Variants in GPR32 observed in about 807,000 individuals in gnomAD.
The protein encoded by GPR32 is G protein-coupled receptor 32.
For synonymous variants in GPR32, 215 were observed against 195.3 expected (o/e 1.10, Z -0.84); for missense variants, 433 against 454.1 (o/e 0.95, Z 0.42).
chr19:50,771,444 C>T, the GPR32 span: 4 of 1,614,136 alleles, frequency 2.5e-6, no homozygotes, highest in East Asian at 2.2e-5. Context: ...CCATCTGTGG[C>T]GACGGGTGAT....
chr19:50,770,638 A>T lies in GPR32; in HGVS notation c.38A>T (p.Asp13Val), dbSNP rs758625863. The T allele has an allele frequency of 1.9e-6, 3 of 1,609,900 alleles. No individual in the cohort carries two copies. In the South Asian group the frequency reaches 3.3e-5, roughly 18 times the overall value. The change falls in exon 1 of 1, where the codon GAC becomes GTC. Residue 13 changes from aspartate (D) to valine (V), a missense_variant. Coordinates refer to ENST00000270590, the MANE Select transcript of GPR32 (RefSeq NM_001506.2). ...TCGGAGGGGACCAGAGGCTGCAGTG[A>T]CAGGCAACCTGGGGTCCTGACACGT... Reference protein sequence around the residue: ...GVSEGTRGCSDRQPGVLTRDR... With the variant: ...GVSEGTRGCSVRQPGVLTRDR...
Position 50,771,499 on chromosome 19 carries a change from C to A in GPR32, c.899C>A (p.Ala300Asp), listed in dbSNP as rs2089400625. The change falls in exon 1 of 1, where the codon GCT becomes GAT. Residue 300 changes from alanine to aspartate, a missense_variant. Physicochemically the swap from Ala to Asp is moderately radical, Grantham distance 126. Coordinates refer to ENST00000270590, the MANE Select transcript of GPR32 (RefSeq NM_001506.2). ...CCCCGGATGCTGCTCATCCTCCAGG[C>A]TAGCTTTGCCTTGGGCTGTGTCAAC... is the stretch of plus-strand genomic sequence containing the variant. The part of the protein sequence containing the change: ...YHPRMLLILQ[A>D]SFALGCVNSS... The A allele has an allele frequency of 6.2e-7, 1 of 1,614,108 alleles. No individual in the cohort carries two copies. The highest frequency in any genetic ancestry group is 1.1e-5 in the South Asian group (1 of 91,084).
In GPR32 at chr19:50,771,645, C is replaced by A. The variant is rs1305207329; in HGVS notation, c.1045C>A (p.Pro349Thr). Residue 349 changes from proline (P) to threonine (T), a missense_variant, in exon 1 of 1, where the codon CCC (proline) becomes ACC (threonine). By Grantham distance (38) the Pro-to-Thr change is conservative (BLOSUM62 -1). Transcript: ENST00000270590. Reference protein sequence around the residue: ...FGEEEFLSSCPRGNAPRE With the variant: ...FGEEEFLSSCTRGNAPRE Reference sequence around the variant, plus strand: ...AGAGGAGGAGTTTCTGTCATCCTGTCCCCGTGGCAACGCCCCCCGGGAATG... The same window carrying A: ...AGAGGAGGAGTTTCTGTCATCCTGTACCCGTGGCAACGCCCCCCGGGAATG... The A allele has an allele frequency of 3.7e-6, 6 of 1,612,402 alleles. No homozygotes were observed. The Admixed American group carries it at 8.3e-5, about 22-fold the overall frequency.
At position 50,770,659 on chromosome 19, in the gene GPR32, C is replaced by A. The variant is rs748135176; in HGVS notation, c.59C>A (p.Thr20Lys). Residue 20 changes from threonine to lysine, a missense_variant, in exon 1 of 1, where the codon ACA becomes AAA. By Grantham distance (78) the Thr-to-Lys change is moderately conservative. Coordinates refer to ENST00000270590, the MANE Select transcript of GPR32 (RefSeq NM_001506.2). ...AGTGACAGGCAACCTGGGGTCCTGA[C>A]ACGTGATCGCTCTTGTTCCAGGAAG... The part of the protein sequence containing the change: ...GCSDRQPGVL[T>K]RDRSCSRKMN... 6.2e-7 allele frequency: 1 copy of A among 1,613,464 alleles called. No individual in the cohort carries two copies. Among genetic ancestry groups the A allele is most frequent in the South Asian group, 1.1e-5 (1 of 90,998 alleles).
In GPR32 at chr19:50,770,649, G is replaced by A. The variant is rs866174710; in HGVS notation, c.49G>A (p.Gly17Arg). The A allele has an allele frequency of 4.3e-6, 7 of 1,612,580 alleles. No individual in the cohort carries two copies. The highest frequency in any genetic ancestry group is 3.3e-4 in the Middle Eastern group (2 of 6,042). The change falls in exon 1 of 1, where the codon GGG (glycine) becomes AGG (arginine). Residue 17 changes from glycine to arginine, a missense_variant. Transcript: ENST00000270590. ...CAGAGGCTGCAGTGACAGGCAACCT[G>A]GGGTCCTGACACGTGATCGCTCTTG... ...GTRGCSDRQP[G>R]VLTRDRSCSR... is the part of the protein sequence containing the mutation.
chr19:50,770,918 G>T lies in GPR32; in HGVS notation c.318G>T (p.Gln106His), dbSNP rs753630831. 6.2e-7 allele frequency: 1 copy of T among 1,614,184 alleles called. No individual in the cohort carries two copies. The highest frequency in any genetic ancestry group is 2.2e-5 in the East Asian group (1 of 44,878). ...CCATGTACTATATTGTCTCCAGGCAGTGGCTCCTCGGAGAGTGGGCCTGCA... is the reference window on the plus strand; with the variant it reads ...CCATGTACTATATTGTCTCCAGGCATTGGCTCCTCGGAGAGTGGGCCTGCA... ...PIAMYYIVSR[Q>H]WLLGEWACKL... The change falls in exon 1 of 1, where the codon CAG (glutamine) becomes CAT (histidine). Residue 106 changes from glutamine (Q) to histidine (H), a missense_variant. Transcript: ENST00000270590.
chr19:50,770,902 A>C lies in GPR32; in HGVS notation c.302A>C (p.Tyr101Ser), dbSNP rs1296651596. ...CTGTCTCTGCCCATTGCCATGTACT[A>C]TATTGTCTCCAGGCAGTGGCTCCTC... ...LSLSLPIAMY[Y>S]IVSRQWLLGE... The change falls in exon 1 of 1, where the codon TAT becomes TCT. Residue 101 changes from tyrosine (Y) to serine (S), a missense_variant. Transcript: ENST00000270590. 6.2e-7 allele frequency: 1 copy of C among 1,613,980 alleles called. No individual in the cohort carries two copies. The highest frequency in any genetic ancestry group is 8.5e-7 in the Non-Finnish European group (1 of 1,180,036).
At position 50,770,839 on chromosome 19, in the gene GPR32, G is replaced by C. The variant is rs1392151658; in HGVS notation, c.239G>C (p.Cys80Ser). 6.2e-7 allele frequency: 1 copy of C among 1,614,194 alleles called. No homozygotes were observed. The highest frequency in any genetic ancestry group is 8.5e-7 in the Non-Finnish European group (1 of 1,180,034). ...FRMARTVSTVCFFHLALADFM... is the reference protein window; with the variant it reads ...FRMARTVSTVSFFHLALADFM... ...ATGGCACGCACGGTCTCCACCGTCT[G>C]CTTCTTCCACCTGGCCCTTGCCGAT... Residue 80 changes from cysteine to serine, a missense_variant, in exon 1 of 1, where the codon TGC becomes TCC. Transcript: ENST00000270590.
Position 50,770,491 on chromosome 19 carries a change from G to A in GPR32, c.-110G>A. ...TTGAGCCTAGGAGGTGGAGGCTGCA[G>A]TGATCTGTGATTGTACCTTTGCACT... On this transcript the variant is annotated 5_prime_UTR_variant, in exon 1 of 1. In the 5' UTR this introduces an upstream ATG that the reference lacks. Coordinates refer to ENST00000270590, the MANE Select transcript of GPR32 (RefSeq NM_001506.2). The A allele has an allele frequency of 1.4e-6, 1 of 722,450 alleles. No individual in the cohort carries two copies. Among genetic ancestry groups the A allele is most frequent in the Admixed American group, 2.9e-5 (1 of 34,138 alleles). The allele number at this position is 722,450 out of a possible 1,614,324, so 44.8% of individuals were successfully genotyped here. A position where few individuals can be genotyped will look rare whatever the true frequency, so the allele number is the denominator to read the frequency against.
chr19:50,770,567 A>T lies in GPR32; in HGVS notation c.-34A>T. ...CTGTCTCTAAAAGAATAATAATAAT[A>T]AGCATTCCATAAAAATTATGGAATG... On this transcript the variant is annotated 5_prime_UTR_variant, in exon 1 of 1. Coordinates refer to ENST00000270590, the MANE Select transcript of GPR32 (RefSeq NM_001506.2). The T allele has an allele frequency of 7.5e-7, 1 of 1,336,966 alleles. No homozygotes were observed. Among genetic ancestry groups the T allele is most frequent in the Non-Finnish European group, 1.0e-6 (1 of 969,938 alleles). 82.8% of individuals were successfully genotyped at this position (1,336,966 alleles called of 1,614,324 possible). A position where few individuals can be genotyped will look rare whatever the true frequency, so the allele number is the denominator to read the frequency against.
chr19:50,770,741 G>A lies in GPR32; in HGVS notation c.141G>A (p.Val47=), dbSNP rs2089394826. The change falls in exon 1 of 1, where the codon GTG becomes GTA. Residue 47 remains valine, a synonymous_variant. Coordinates refer to ENST00000270590, the MANE Select transcript of GPR32 (RefSeq NM_001506.2). ...EEVGSLRPLT[V]VILSASIVVG... Reference sequence around the variant, plus strand: ...TGGGGTCCCTCCGCCCACTGACTGTGGTTATCCTGTCTGCGTCCATTGTCG... The same window carrying A: ...TGGGGTCCCTCCGCCCACTGACTGTAGTTATCCTGTCTGCGTCCATTGTCG... The A allele has an allele frequency of 1.2e-6, 2 of 1,613,980 alleles. No individual in the cohort carries two copies. The highest frequency in any genetic ancestry group is 2.7e-5 in the African/African-American group (2 of 74,890).
chr19:50,770,689 A>C lies in GPR32; in HGVS notation c.89A>C (p.Asn30Thr). 6.2e-7 allele frequency: 1 copy of C among 1,613,640 alleles called. No homozygotes were observed. Among genetic ancestry groups the C allele is most frequent in the Non-Finnish European group, 8.5e-7 (1 of 1,179,750 alleles). Reference sequence around the variant, plus strand: ...GATCGCTCTTGTTCCAGGAAGATGAACTCTTCCGGATGCCTGTCTGAGGAG... The same window carrying C: ...GATCGCTCTTGTTCCAGGAAGATGACCTCTTCCGGATGCCTGTCTGAGGAG... ...TRDRSCSRKM[N>T]SSGCLSEEVG... is the part of the protein sequence containing the mutation. Residue 30 changes from asparagine to threonine, a missense_variant, in exon 1 of 1, where the codon AAC becomes ACC. Coordinates refer to ENST00000270590, the MANE Select transcript of GPR32 (RefSeq NM_001506.2).
rs2089402095 is a variant in GPR32, at chr19:50,771,719, G to C, written c.*48G>C. 6 of 1,291,320 alleles carry C rather than the reference G, an allele frequency of 4.6e-6. No homozygotes were observed. The highest frequency in any genetic ancestry group is 6.5e-6 in the Non-Finnish European group (6 of 924,752). 80.0% of individuals were successfully genotyped at this position (1,291,320 alleles called of 1,614,324 possible). ...GGAAGCCGTCCTTCTTAGTTTGCTT[G>C]TGGCCTCTTACCTTGACTGGCTTCT... On this transcript the variant is annotated 3_prime_UTR_variant, in exon 1 of 1. Coordinates refer to ENST00000270590, the MANE Select transcript of GPR32 (RefSeq NM_001506.2).
rs1228126911 is a variant in GPR32, at chr19:50,771,437, T to A, written c.837T>A (p.His279Gln). The A allele has an allele frequency of 6.2e-7, 1 of 1,614,154 alleles. No individual in the cohort carries two copies. The highest frequency in any genetic ancestry group is 8.5e-7 in the Non-Finnish European group (1 of 1,180,008). The change falls in exon 1 of 1, where the codon CAT (histidine) becomes CAA (glutamine). Residue 279 changes from histidine to glutamine, a missense_variant. By Grantham distance (24) the His-to-Gln change is conservative (BLOSUM62 0). Transcript: ENST00000270590. ...WSPFNVVLLV[H>Q]LWRRVMLKEI... ...CGTTTAACGTGGTGCTGTTGGTCCA[T>A]CTGTGGCGACGGGTGATGCTCAAGG...
Position 50,771,549 on chromosome 19 carries a change from G to A in GPR32, c.949G>A (p.Val317Ile), listed in dbSNP as rs1422160710. 9 of 1,614,010 alleles carry A rather than the reference G, an allele frequency of 5.6e-6. No homozygotes were observed. The highest frequency in any genetic ancestry group is 1.3e-5 in the African/African-American group (1 of 74,926). Residue 317 changes from valine to isoleucine, a missense_variant, in exon 1 of 1, where the codon GTC becomes ATC. Val to Ile is a conservative substitution (Grantham distance 29, BLOSUM62 3). Transcript: ENST00000270590. ...VNSSLNPFLYVFVGRDFQEKF... is the reference protein window; with the variant it reads ...VNSSLNPFLYIFVGRDFQEKF... ...CAGCAGCCTCAACCCCTTCCTCTACGTCTTCGTTGGCAGAGATTTCCAAGA... is the reference window on the plus strand; with the variant it reads ...CAGCAGCCTCAACCCCTTCCTCTACATCTTCGTTGGCAGAGATTTCCAAGA...
In GPR32 at chr19:50,771,083, G is replaced by A. The variant is rs185022065; in HGVS notation, c.483G>A (p.Leu161=). ...GCACTGTGCAGCGGGCGAGCTGGCTGGCCTTTGGGGTGTGGCTCCTGGCCG... is the reference window on the plus strand; with the variant it reads ...GCACTGTGCAGCGGGCGAGCTGGCTAGCCTTTGGGGTGTGGCTCCTGGCCG... ...NHRTVQRASW[L]AFGVWLLAAA... The change falls in exon 1 of 1, where the codon CTG becomes CTA. Residue 161 remains leucine, a synonymous_variant. Coordinates refer to ENST00000270590, the MANE Select transcript of GPR32 (RefSeq NM_001506.2). 5.9e-5 allele frequency: 96 copies of A among 1,614,168 alleles called. No homozygotes were observed. The Middle Eastern group carries it at 1.5e-3, about 25-fold the overall frequency.
Position 50,771,378 on chromosome 19 carries a change from G to C in GPR32, c.778G>C (p.Val260Leu), listed in dbSNP as rs201963529. ...HANRPKRLLL[V>L]LVSAFFIFWS... is the part of the protein sequence containing the mutation. ...CAACCGGCCCAAGAGGCTGCTGCTG[G>C]TGCTGGTGAGCGCTTTCTTTATCTT... The change falls in exon 1 of 1, where the codon GTG becomes CTG. Residue 260 changes from valine (V) to leucine (L), a missense_variant. Val to Leu is a conservative substitution (Grantham distance 32). Transcript: ENST00000270590. The C allele has an allele frequency of 6.2e-7, 1 of 1,614,176 alleles. No individual in the cohort carries two copies. Among genetic ancestry groups the C allele is most frequent in the Non-Finnish European group, 8.5e-7 (1 of 1,180,044 alleles).
At position 50,771,315 on chromosome 19, in the gene GPR32, A is replaced by G; in HGVS notation, c.715A>G (p.Ile239Val). The change falls in exon 1 of 1, where the codon ATC becomes GTC. Residue 239 changes from isoleucine to valine, a missense_variant. Transcript: ENST00000270590. ...LAIIGTCAHL[I>V]RAKLLREGWV... ...AATCATAGGCACCTGCGCCCACCTC[A>G]TCCGGGCCAAGCTCTTGCGGGAGGG... The G allele has an allele frequency of 6.2e-7, 1 of 1,614,022 alleles. No homozygotes were observed. Among genetic ancestry groups the G allele is most frequent in the Non-Finnish European group, 8.5e-7 (1 of 1,179,992 alleles).
In GPR32 at chr19:50,771,040, T is replaced by A. The variant is rs1209723514; in HGVS notation, c.440T>A (p.Val147Asp). Residue 147 changes from valine to aspartate, a missense_variant, in exon 1 of 1, where the codon GTC (valine) becomes GAC (aspartate). Physicochemically the swap from Val to Asp is radical, Grantham distance 152. Coordinates refer to ENST00000270590, the MANE Select transcript of GPR32 (RefSeq NM_001506.2). ...VDRCISVLYP[V>D]WALNHRTVQR... The stretch of plus-strand genomic sequence containing the variant: ...CGTTGCATCTCTGTCCTCTACCCCG[T>A]CTGGGCCCTGAACCACCGCACTGTG... 6.2e-7 allele frequency: 1 copy of A among 1,614,152 alleles called. No homozygotes were observed.
Sources: gnomAD v4.1 joint callset for allele counts on GRCh38, gnomAD v4.1.1 for gene constraint, MANE v1.5 for transcripts, NCBI Gene and HGNC (gene_info 2026-07-23, HGNC 2026-07-21) for gene names.